SLC44A1: variants seen among roughly 807,000 people sequenced by gnomAD.
The protein encoded by SLC44A1 is solute carrier family 44 member 1.
Under a neutral mutation model 79.3 loss-of-function variants are expected in SLC44A1, and 26 were observed. The observed-to-expected ratio is 0.33, with a 90% confidence interval of 0.24 to 0.46. The LOEUF (loss-of-function observed/expected upper bound fraction) is 0.46, where lower values mean the gene tolerates loss of function less well. Among genes scored for constraint, SLC44A1 ranks in the 20% least tolerant of loss-of-function variants. SLC44A1 has a pLI of 1.00. For missense variants in SLC44A1, 688 were observed against 798.1 expected (o/e 0.86, Z 1.66); for synonymous variants, 263 against 286.2 (o/e 0.92, Z 0.82).
chr9:105,300,075 C>A, intron 2 of SLC44A1: 1 of 293,144 alleles, frequency 3.4e-6, no homozygotes, highest in Non-Finnish European at 5.1e-6. Context: ...TTAAAGCGGT[C>A]TGATATTTAG....
At chr9:105,299,084 T>C (rs984903787) in intron 1 of SLC44A1, 136 bp from the exon 2 acceptor site, 4 of 607,872 alleles carry the variant, frequency 6.6e-6, no homozygotes, top group African/African-American at 3.9e-5. Flanking sequence ...GTGACAAATA[T>C]TTGAGTTGTG....
At chr9:105,264,002 C>A (rs1829902823) in intron 1 of SLC44A1, among the ~76,000 whole-genome samples, 1 of 152,156 alleles carries the variant, frequency 6.6e-6, no homozygotes, top group Non-Finnish European at 1.5e-5. Context: ...TACCTCCTCG[C>A]TTTTCAATTT....
chr9:105,284,912 A>T (rs144184682), intron 1 of SLC44A1, among the ~76,000 whole-genome samples: 1 of 152,322 alleles, frequency 6.6e-6, no homozygotes, highest in African/African-American at 2.4e-5. Flanking sequence ...GAAACCCCAT[A>T]CCCATTAGCA....
chr9:105,295,216 A>T (rs941677524), intron 1 of SLC44A1, among the ~76,000 whole-genome samples: 1 of 152,256 alleles, frequency 6.6e-6, no homozygotes, highest in African/African-American at 2.4e-5. Flanking sequence ...AAATGCGGTC[A>T]TAGATAATAT....
chr9:105,372,151 T>C (rs1828122860), intron 12 of SLC44A1, among the ~76,000 whole-genome samples: 1 of 152,226 alleles, frequency 6.6e-6, no homozygotes, highest in African/African-American at 2.4e-5. Flanking sequence ...TAGTATGATT[T>C]CTTTAAGATG....
chr9:105,255,101 GTTTTTTTT>G (rs74312883), intron 1 of SLC44A1, among the ~76,000 whole-genome samples: 2 of 111,886 alleles, frequency 1.8e-5, no homozygotes, highest in African/African-American at 6.2e-5. Flanking sequence ...AGGTTTTTTT[GTTTTTTTT>G]TTTTTTTAAT....
At chr9:105,257,107 T>C (rs1829727298) in intron 1 of SLC44A1, among the ~76,000 whole-genome samples, 1 of 148,068 alleles carries the variant, frequency 6.8e-6, no homozygotes, top group Admixed American at 6.8e-5. Context: ...TTGTTTTTGT[T>C]TTCTTTGAGA....
intron 15 of SLC44A1, chr9:105,438,208 G>A: frequency 7.8e-7 from 1 of 1,281,704 alleles, no homozygotes; most frequent in Non-Finnish European, 1.1e-6. Context: ...ACTATTTCTA[G>A]TTATTGATTA....
At chr9:105,291,341 A>G (rs1336766470) in intron 1 of SLC44A1, among the ~76,000 whole-genome samples, 1 of 152,260 alleles carries the variant, frequency 6.6e-6, no homozygotes, top group Non-Finnish European at 1.5e-5. Context: ...GGAGCAAAAT[A>G]AAGTCTTCAC....
At chr9:105,268,133 C>T (rs1010952433) in intron 1 of SLC44A1, among the ~76,000 whole-genome samples, 2 of 152,158 alleles carry the variant, frequency 1.3e-5, no homozygotes, top group African/African-American at 4.8e-5. Flanking sequence ...AGAAGAGGGG[C>T]AGTTGTCCAA....
Position 105,394,111 on chromosome 9 carries a change from C to A in SLC44A1, c.*5055C>A. 1 of 985,296 alleles carries A rather than the reference C, an allele frequency of 1.0e-6. No individual in the cohort carries two copies. Among genetic ancestry groups the A allele is most frequent in the Non-Finnish European group, 1.2e-6 (1 of 829,920 alleles). The allele number at this position is 985,296 out of a possible 1,614,324, so 61.0% of individuals were successfully genotyped here. ...CAAAATGCTCATAGAATTTCAGGGCCCTCAGACGGCCAGCTTCCACCCCTG... is the reference window on the plus strand; with the variant it reads ...CAAAATGCTCATAGAATTTCAGGGCACTCAGACGGCCAGCTTCCACCCCTG... On this transcript the variant is annotated 3_prime_UTR_variant, in exon 16 of 16. Coordinates refer to ENST00000374720, the MANE Select transcript of SLC44A1 (RefSeq NM_080546.5).
At chr9:105,325,199 C>A (rs1482570209) in intron 3 of SLC44A1, among the ~76,000 whole-genome samples, 1 of 152,170 alleles carries the variant, frequency 6.6e-6, no homozygotes, top group South Asian at 2.1e-4. Flanking sequence ...CTTATATATG[C>A]CATGGCATGG....
At position 105,335,996 on chromosome 9, in the gene SLC44A1, A is replaced by G. The variant is rs141091253; in HGVS notation, c.406+297A>G. ...CTATCGAGTATTTGGAAATTACTAA[A>G]CCACTCTATGTAAAATTTATTTCTT... On this transcript the variant is annotated intron_variant, in intron 4 of 15. Transcript: ENST00000374720. Among the ~76,000 whole-genome samples the G allele has an allele frequency of 4.4e-3, 667 of 152,274 alleles. 3 individuals are homozygous for G. Among genetic ancestry groups the G allele is most frequent in the Middle Eastern group, 0.014 (4 of 294 alleles).
At chr9:105,431,687 T>C (rs1588882332) in intron 15 of SLC44A1, among the ~76,000 whole-genome samples, 1 of 152,172 alleles carries the variant, frequency 6.6e-6, no homozygotes, top group African/African-American at 2.4e-5. Flanking sequence ...AGGTCCAAAT[T>C]CCAGTCCATA....
At chr9:105,364,357 G>T (rs1827876937) in intron 9 of SLC44A1, among the ~76,000 whole-genome samples, 198 bp from the exon 10 acceptor site, 1 of 152,032 alleles carries the variant, frequency 6.6e-6, no homozygotes, top group Non-Finnish European at 1.5e-5. Flanking sequence ...ATGCCTTTGA[G>T]GACATCAAAA....
chr9:105,365,756 C>A, intron 11 of SLC44A1, 117 bp downstream of exon 11: 1 of 1,087,438 alleles, frequency 9.2e-7, no homozygotes, highest in Non-Finnish European at 1.3e-6. Flanking sequence ...AAAGTCTTTA[C>A]AAGGCAAAAT....
At chr9:105,361,889 CA>C (rs1000444281) in intron 8 of SLC44A1, among the ~76,000 whole-genome samples, 9 of 152,086 alleles carry the variant, frequency 5.9e-5, no homozygotes, top group African/African-American at 9.7e-5. Flanking sequence ...CCTGTCTTCA[CA>C]AAAAATTAAA....
At position 105,277,705 on chromosome 9, in the gene SLC44A1, AG is replaced by A. The variant is rs564770848; in HGVS notation, c.37-21513del. Among the ~76,000 whole-genome samples, 125 of 152,356 alleles carry A rather than the reference AG, an allele frequency of 8.2e-4. 1 individual carries two copies. Among genetic ancestry groups the A allele is most frequent in the African/African-American group, 3.0e-3 (124 of 41,586 alleles). On this transcript the variant is annotated intron_variant, in intron 1 of 15. Transcript: ENST00000374720. ...AGTTGGGACGGACCAACTAAAACTGAGGAACTTTGTAAACCAAGTAGCCTAA... is the reference window on the plus strand; with the variant it reads ...AGTTGGGACGGACCAACTAAAACTGAGAACTTTGTAAACCAAGTAGCCTAA...
At position 105,389,614 on chromosome 9, in the gene SLC44A1, A is replaced by C; in HGVS notation, c.*558A>C. 1.7e-6 allele frequency: 2 copies of C among 1,176,990 alleles called. No individual in the cohort carries two copies. The highest frequency in any genetic ancestry group is 3.9e-5 in the South Asian group (1 of 25,452). The allele number at this position is 1,176,990 out of a possible 1,614,324, so 72.9% of individuals were successfully genotyped here. ...GTCATTTTACTTTTAGAAACATACAATTGGGCCCAATATGGGAATTTTCAT... is the reference window on the plus strand; with the variant it reads ...GTCATTTTACTTTTAGAAACATACACTTGGGCCCAATATGGGAATTTTCAT... On this transcript the variant is annotated 3_prime_UTR_variant, in exon 16 of 16. Coordinates refer to ENST00000374720, the MANE Select transcript of SLC44A1 (RefSeq NM_080546.5).
Sources: allele counts gnomAD v4.1 joint callset (sites outside exome capture counted in the v4.1 genomes callset), GRCh38; gene constraint gnomAD v4.1.1; transcripts MANE v1.5; gene names NCBI Gene and HGNC (gene_info 2026-07-23, HGNC 2026-07-21).